CDC27: variants seen among roughly 807,000 people sequenced by gnomAD.
CDC27 encodes cell division cycle protein 27 homolog.
CDC27 carries 27 observed loss-of-function variants against 109.7 expected under a neutral mutation model. The observed-to-expected ratio is 0.25, with a 90% CI of 0.18 to 0.34. The LOEUF (loss-of-function observed/expected upper bound fraction) is 0.34. Among genes scored for constraint, CDC27 ranks in the 10% least tolerant of loss-of-function variants. The pLI is 1.00. For synonymous variants in CDC27, 266 were observed against 333.9 expected, an observed-to-expected ratio of 0.80 and a Z score of 2.22; for missense variants, 579 against 960.2, an observed-to-expected ratio of 0.60 and a Z score of 5.25.
chr17:47,145,576 T>C (rs1598460708), intron 9 of CDC27, among the ~76,000 whole-genome samples: 1 of 152,148 alleles, frequency 6.6e-6, no homozygotes, highest in African/African-American at 2.4e-5. Context: ...AACTCCTAGA[T>C]ACTTTCTGGA....
chr17:47,146,190 T>A (rs2062954538), intron 9 of CDC27, among the ~76,000 whole-genome samples: 1 of 152,244 alleles, frequency 6.6e-6, no homozygotes, highest in Admixed American at 6.5e-5. Context: ...TTATGTCATC[T>A]ACAATAAAAC....
At position 47,120,820 on chromosome 17, in the gene CDC27, A is replaced by G. The variant is rs1433429792; in HGVS notation, c.*115T>C. On this transcript the variant is annotated 3_prime_UTR_variant, in exon 19 of 19. Coordinates refer to ENST00000066544, the MANE Select transcript of CDC27 (RefSeq NM_001256.6). Reference sequence around the variant, plus strand: ...CCAATGAAAGTGGCACACTCATGGTATAAGTGACGGACGATGACACCGCCA... The same window carrying G: ...CCAATGAAAGTGGCACACTCATGGTGTAAGTGACGGACGATGACACCGCCA... The G allele has an allele frequency of 5.6e-6, 4 of 714,126 alleles. No homozygotes were observed. The highest frequency in any genetic ancestry group is 3.5e-5 in the African/African-American group (2 of 57,130). 44.2% of individuals were successfully genotyped at this position (714,126 alleles called of 1,614,324 possible).
At chr17:47,184,598 C>T (rs1363323394) in intron 1 of CDC27, among the ~76,000 whole-genome samples, 3 of 152,164 alleles carry the variant, frequency 2.0e-5, no homozygotes, top group Admixed American at 6.5e-5. Context: ...AGAGTTGTAT[C>T]CATTTCTGAC....
intron 16 of CDC27, among the ~76,000 whole-genome samples, chr17:47,127,440 T>C (rs1160604380): frequency 6.6e-6 from 1 of 152,182 alleles, no homozygotes; most frequent in Non-Finnish European, 1.5e-5. Context: ...TTCACTCTTG[T>C]TGCCCAGGCT....
At chr17:47,125,308 G>A (rs1051097608) in intron 16 of CDC27, among the ~76,000 whole-genome samples, 7 of 130,064 alleles carry the variant, frequency 5.4e-5, no homozygotes, top group East Asian at 4.5e-4. Flanking sequence ...GTGTGGTGTC[G>A]TGATCTTGGC....
At chr17:47,157,434 C>T in intron 5 of CDC27, 50 bp from the exon 6 acceptor site, 2 of 1,446,166 alleles carry the variant, frequency 1.4e-6, no homozygotes, top group Non-Finnish European at 1.9e-6. Flanking sequence ...GTGAGGAATA[C>T]ATGTTTTTCA....
At chr17:47,138,214 A>G (rs2062682380) in intron 13 of CDC27, among the ~76,000 whole-genome samples, 1 of 152,160 alleles carries the variant, frequency 6.6e-6, no homozygotes, top group Non-Finnish European at 1.5e-5. Flanking sequence ...TCCCAGGAAC[A>G]TTGGTTCAGT....
intron 8 of CDC27, among the ~76,000 whole-genome samples, chr17:47,153,096 G>C (rs1247698451): frequency 6.6e-6 from 1 of 152,140 alleles, no homozygotes; most frequent in African/African-American, 2.4e-5. Context: ...ATTCATCCAA[G>C]GGACAAAAGT....
rs1272557710 is a variant in CDC27, at chr17:47,189,152, G to A, written c.21C>T (p.Pro7=). Residue 7 remains proline, a synonymous_variant, in exon 1 of 19, where the codon CCC becomes CCT. Transcript: ENST00000066544. The stretch of plus-strand genomic sequence containing the variant: ...AGAAGAAGGTTATCATTACCTGGAC[G>A]GGTTCCTGCAGCACCGTCATCCTCG... The part of the protein sequence containing the change: MTVLQE[P]VQAAIWQALN... 3 of 1,613,272 alleles carry A rather than the reference G, an allele frequency of 1.9e-6. No individual in the cohort carries two copies. The South Asian group carries it at 3.3e-5, about 18-fold the overall frequency.
In CDC27 at chr17:47,137,183, T is replaced by A; in HGVS notation, c.1882A>T (p.Ile628Phe). The stretch of plus-strand genomic sequence containing the variant: ...TTATAATGTCTAGGATTGACTCTGA[T>A]AGCATTTCGAAAACAAGCTAATGCT... The part of the protein sequence containing the change: ...DKALACFRNA[I>F]RVNPRHYNAW... Residue 628 changes from isoleucine (I) to phenylalanine (F), a missense_variant, in exon 14 of 19, where the codon ATC becomes TTC. This residue lies in a region of CDC27 where 227 missense variants were observed against 363.6 expected (regional missense o/e 0.62). Transcript: ENST00000066544. 6.2e-7 allele frequency: 1 copy of A among 1,609,078 alleles called. No homozygotes were observed. The highest frequency in any genetic ancestry group is 1.1e-5 in the South Asian group (1 of 90,602).
chr17:47,188,668 T>C (rs1008565887), intron 1 of CDC27: 1 of 790,226 alleles, frequency 1.3e-6, no homozygotes, highest in African/African-American at 1.9e-5. Context: ...GAAATTAGTA[T>C]TAAAAAGACC....
intron 1 of CDC27, 186 bp downstream of exon 1, chr17:47,188,960 C>G: frequency 1.4e-6 from 2 of 1,450,398 alleles, no homozygotes; most frequent in South Asian, 1.4e-5. Flanking sequence ...TAATGTAGGG[C>G]CAGAGGTAAC....
At chr17:47,123,390 CTTTTTTTTCTACTTT>C (rs1424855782) in intron 17 of CDC27, among the ~76,000 whole-genome samples, 1 of 144,080 alleles carries the variant, frequency 6.9e-6, no homozygotes, top group East Asian at 2.0e-4. Context: ...TGTTCTTCTA[CTTTTTTTTCTACTTT>C]TTTTTTTTTT....
At chr17:47,181,081 AT>A (rs1255163187) in intron 2 of CDC27, among the ~76,000 whole-genome samples, 9 of 146,484 alleles carry the variant, frequency 6.1e-5, no homozygotes, top group Admixed American at 5.5e-4. Flanking sequence ...GCAAAACCCT[AT>A]CTCTACCAAA....
At chr17:47,153,830 C>G (rs2063219020) in intron 8 of CDC27, among the ~76,000 whole-genome samples, 1 of 152,086 alleles carries the variant, frequency 6.6e-6, no homozygotes, top group Non-Finnish European at 1.5e-5. Context: ...TGTTTATAAT[C>G]CTAGCACTTT....
chr17:47,135,449 T>C (rs1568379462), intron 14 of CDC27, among the ~76,000 whole-genome samples: 3 of 150,150 alleles, frequency 2.0e-5, no homozygotes, highest in African/African-American at 7.4e-5. Flanking sequence ...ATGATGATGA[T>C]GGGGAATAAG....
rs184474699 is a variant in CDC27 at position 47,151,002 on chromosome 17, A to T, written c.1070+804T>A. Among the ~76,000 whole-genome samples the T allele has an allele frequency of 1.6e-4, 24 of 152,374 alleles. No homozygotes were observed. In the East Asian group the frequency reaches 4.6e-3, roughly 29 times the overall value. On this transcript the variant is annotated intron_variant, in intron 9 of 18. Coordinates refer to ENST00000066544, the MANE Select transcript of CDC27 (RefSeq NM_001256.6). ...GGCCGAGATCACACCACTGCACTCC[A>T]GCTTGGGCAACAAGAGTGAAACTCC...
intron 14 of CDC27, among the ~76,000 whole-genome samples, chr17:47,135,982 T>C (rs2062574114): frequency 6.6e-6 from 1 of 151,594 alleles, no homozygotes; most frequent in Non-Finnish European, 1.5e-5. Flanking sequence ...CTACTAAAAA[T>C]ACAAAAAAAA....
intron 16 of CDC27, among the ~76,000 whole-genome samples, chr17:47,127,699 C>A (rs759777725): frequency 2.0e-5 from 3 of 151,760 alleles, no homozygotes; most frequent in Non-Finnish European, 4.4e-5. Flanking sequence ...CTGTGCCTGG[C>A]CCTATTTTTT....
Sources: gnomAD v4.1 joint callset for allele counts (sites outside exome capture counted in the v4.1 genomes callset) on GRCh38, gnomAD v4.1.1 for gene constraint, gnomAD v4.1.1 regional missense constraint, MANE v1.5 for transcripts, NCBI Gene and HGNC (gene_info 2026-07-23, HGNC 2026-07-21) for gene names.